The following PKHD1L1 variants were observed in gnomAD, a reference collection of about 807,000 sequenced individuals.
PKHD1L1 encodes the protein PKHD1 like 1, also known as fibrocystin-L.
Under a neutral mutation model 462.9 loss-of-function variants are expected in PKHD1L1, and 434 were observed. That is an observed-to-expected ratio of 0.94 (90% CI 0.87 to 1.02). PKHD1L1 has a LOEUF of 1.02. PKHD1L1 is among the 50% of genes least tolerant of loss of function. The pLI is 0.00. For missense variants in PKHD1L1, 5,202 were observed against 5,096.1 expected, an observed-to-expected ratio of 1.02 and a Z score of -0.63; for synonymous variants, 1,781 against 1,750.0, an observed-to-expected ratio of 1.02 and a Z score of -0.44.
At chr8:109,488,223 A>G (rs1282130786) in intron 59 of PKHD1L1, among the ~76,000 whole-genome samples, 1 of 151,960 alleles carries the variant, frequency 6.6e-6, no homozygotes, top group Non-Finnish European at 1.5e-5. Flanking sequence ...TTTCAAGATA[A>G]TGTGTTGGTT....
chr8:109,490,858 A>G lies in PKHD1L1; in HGVS notation c.9985-114A>G, dbSNP rs1445396959. 46 of 884,324 alleles carry G rather than the reference A, an allele frequency of 5.2e-5. No homozygotes were observed. The East Asian group carries it at 1.1e-3, about 21-fold the overall frequency. 54.8% of individuals were successfully genotyped at this position (884,324 alleles called of 1,614,324 possible). A position where few individuals can be genotyped will look rare whatever the true frequency, so the allele number is the denominator to read the frequency against. The stretch of plus-strand genomic sequence containing the variant: ...AGAAATCATCTTTAAGAGAAAGTGA[A>G]TTGAGTATTGATTATTGATAAAGGT... On this transcript the variant is annotated intron_variant, in intron 60 of 77. Transcript: ENST00000378402.
intron 18 of PKHD1L1, 40 bp from the exon 19 acceptor site, chr8:109,409,825 T>C (rs2130587592): frequency 1.7e-6 from 2 of 1,209,058 alleles, no homozygotes; most frequent in Non-Finnish European, 2.3e-6. Context: ...TTCTAACTTT[T>C]CATGAAAAGA....
At chr8:109,494,064 A>T (rs1011063250) in intron 63 of PKHD1L1, among the ~76,000 whole-genome samples, 1 of 151,952 alleles carries the variant, frequency 6.6e-6, no homozygotes, top group Non-Finnish European at 1.5e-5. Context: ...GGCACTTATT[A>T]TAGAGATACA....
intron 73 of PKHD1L1, 36 bp downstream of exon 73, chr8:109,518,544 A>G (rs774504316): frequency 4.0e-6 from 6 of 1,513,454 alleles, no homozygotes; most frequent in Non-Finnish European, 5.4e-6. Flanking sequence ...GAGGAATGCA[A>G]TTACCAAATC....
intron 59 of PKHD1L1, among the ~76,000 whole-genome samples, chr8:109,487,948 G>GGAAGGAAGGAAA (rs1563600704): frequency 1.4e-4 from 20 of 146,328 alleles, no homozygotes; most frequent in Non-Finnish European, 2.1e-4. Context: ...AAGGAAAGAA[G>GGAAGGAAGGAAA]GAAGGAAGGA....
chr8:109,383,083 AGTT>A (rs1812210864), intron 4 of PKHD1L1, among the ~76,000 whole-genome samples: 1 of 127,850 alleles, frequency 7.8e-6, no homozygotes, highest in Admixed American at 9.9e-5. Flanking sequence ...ATATATAAAT[AGTT>A]ATTATATATA....
At chr8:109,461,972 T>G in intron 48 of PKHD1L1, 64 bp downstream of exon 48, 1 of 1,511,688 alleles carries the variant, frequency 6.6e-7, no homozygotes, top group South Asian at 1.3e-5. Flanking sequence ...GAAATGTGTG[T>G]TGAACTCCTG....
At chr8:109,380,003 C>T (rs1397429263) in intron 2 of PKHD1L1, among the ~76,000 whole-genome samples, 1 of 152,146 alleles carries the variant, frequency 6.6e-6, no homozygotes, top group South Asian at 2.1e-4. Context: ...AAGAGCAAGG[C>T]AGTTAGGGGC....
chr8:109,464,595 T>G lies in PKHD1L1; in HGVS notation c.7763T>G (p.Met2588Arg). The G allele has an allele frequency of 6.2e-7, 1 of 1,612,914 alleles. No individual in the cohort carries two copies. Among genetic ancestry groups the G allele is most frequent in the Non-Finnish European group, 8.5e-7 (1 of 1,179,778 alleles). ...ACTCACTTTGGCTTTTGGTACCGGATGAACAACCACCCTGATGGGCCATCC... is the reference window on the plus strand; with the variant it reads ...ACTCACTTTGGCTTTTGGTACCGGAGGAACAACCACCCTGATGGGCCATCC... ...GGTHFGFWYR[M>R]NNHPDGPSYD... Residue 2588 changes from methionine (M) to arginine (R), a missense_variant, in exon 49 of 78, where the codon ATG (methionine) becomes AGG (arginine). Around this residue, in one of 3 missense-constraint regions of PKHD1L1, gnomAD observed 4,497 missense variants for 4,336.8 expected, o/e 1.04. Transcript: ENST00000378402.
In PKHD1L1 at chr8:109,440,638, TATCC is replaced by T; in HGVS notation, c.3957-71_3957-68del. 4.3e-6 allele frequency: 6 copies of T among 1,402,344 alleles called. No homozygotes were observed. In the South Asian group the frequency reaches 8.4e-5, roughly 20 times the overall value. 86.9% of individuals were successfully genotyped at this position (1,402,344 alleles called of 1,614,324 possible). ...TTATTTCCTCTTTCTAAAGAAGTCA[TATCC>T]TAGCAAGAGTTTAGCAAGATAAATC... On this transcript the variant is annotated intron_variant, in intron 32 of 77. Coordinates refer to ENST00000378402, the MANE Select transcript of PKHD1L1 (RefSeq NM_177531.6).
At chr8:109,525,361 G>A (rs962697296) in intron 76 of PKHD1L1, among the ~76,000 whole-genome samples, 11 of 152,178 alleles carry the variant, frequency 7.2e-5, no homozygotes, top group Admixed American at 2.0e-4. Context: ...TTTGTTTAGC[G>A]TCCTATGTAA....
At chr8:109,451,205 T>C in intron 41 of PKHD1L1, 56 bp downstream of exon 41, 1 of 1,491,406 alleles carries the variant, frequency 6.7e-7, no homozygotes, top group Non-Finnish European at 9.1e-7. Flanking sequence ...GAGCCATTAC[T>C]CCTGCTTTCT....
At chr8:109,452,402 A>C (rs1816577378) in intron 42 of PKHD1L1, 122 bp downstream of exon 42, 1 of 935,818 alleles carries the variant, frequency 1.1e-6, no homozygotes, top group African/African-American at 1.7e-5. Context: ...CTGTGACCAT[A>C]ATAAATCTAA....
chr8:109,528,081 T>C (rs1251534671), intron 77 of PKHD1L1, among the ~76,000 whole-genome samples: 1 of 152,070 alleles, frequency 6.6e-6, no homozygotes, highest in African/African-American at 2.4e-5. Context: ...GAGAGATTGA[T>C]AAAAGGGAGA....
At chr8:109,492,139 C>A (rs1174390135) in intron 62 of PKHD1L1, 145 bp downstream of exon 62, 2 of 576,860 alleles carry the variant, frequency 3.5e-6, no homozygotes, top group Non-Finnish European at 5.3e-6. Context: ...TTTTTTTTTT[C>A]TGTCAATGTC....
Position 109,493,582 on chromosome 8 carries a change from A to T in PKHD1L1, c.10237-79A>T, listed in dbSNP as rs948343723. ...CATAATTAAAGGTTTTCATAAGTGT[A>T]TTGTCATATACTTACTCTCGATTTA... On this transcript the variant is annotated intron_variant, in intron 62 of 77. Coordinates refer to ENST00000378402, the MANE Select transcript of PKHD1L1 (RefSeq NM_177531.6). 9.9e-6 allele frequency: 8 copies of T among 809,478 alleles called. No homozygotes were observed. The African/African-American group carries it at 1.4e-4, about 14-fold the overall frequency. The allele number at this position is 809,478 out of a possible 1,614,324, so 50.1% of individuals were successfully genotyped here.
rs745613630 is a variant in PKHD1L1 at position 109,400,179 on chromosome 8, T to C, written c.1116T>C (p.Ser372=). 50 of 1,613,652 alleles carry C rather than the reference T, an allele frequency of 3.1e-5. No homozygotes were observed. In the East Asian group the frequency reaches 1.1e-3, roughly 35 times the overall value. The change falls in exon 13 of 78, where the codon AGT becomes AGC. Residue 372 remains serine, a synonymous_variant. Coordinates refer to ENST00000378402, the MANE Select transcript of PKHD1L1 (RefSeq NM_177531.6). ...NEKTPGYMGA[S]WVDSASYIWL... ...AAACGCCTGGGTACATGGGTGCCAG[T>C]TGGGTAGATTCAGCTTCCTATATTT... is the stretch of plus-strand genomic sequence containing the variant.
At position 109,498,674 on chromosome 8, in the gene PKHD1L1, T is replaced by C. The variant is rs770950139; in HGVS notation, c.10731T>C (p.Cys3577=). The change falls in exon 67 of 78, where the codon TGT becomes TGC. Residue 3577 remains cysteine, a synonymous_variant. Coordinates refer to ENST00000378402, the MANE Select transcript of PKHD1L1 (RefSeq NM_177531.6). The part of the protein sequence containing the change: ...RSPSGGRSGI[C]WPTFASAHNM... ...TAAAAGGTGGGAGAAGTGGGATTTGTTGGCCTACCTTTGCTTCAGCTCATA... is the reference window on the plus strand; with the variant it reads ...TAAAAGGTGGGAGAAGTGGGATTTGCTGGCCTACCTTTGCTTCAGCTCATA... 6.2e-7 allele frequency: 1 copy of C among 1,614,004 alleles called. No individual in the cohort carries two copies. Among genetic ancestry groups the C allele is most frequent in the African/African-American group, 1.3e-5 (1 of 75,056 alleles).
intron 49 of PKHD1L1, among the ~76,000 whole-genome samples, 157 bp from the exon 50 acceptor site, chr8:109,466,421 A>G (rs1817440933): frequency 6.6e-6 from 1 of 152,216 alleles, no homozygotes; most frequent in South Asian, 2.1e-4. Context: ...CTTCTGTATG[A>G]GATCCTCTTG....
Sources: gnomAD v4.1 joint callset for allele counts (sites outside exome capture counted in the v4.1 genomes callset) on GRCh38, gnomAD v4.1.1 for gene constraint, gnomAD v4.1.1 regional missense constraint, MANE v1.5 for transcripts, NCBI Gene and HGNC (gene_info 2026-07-23, HGNC 2026-07-21) for gene names.